VPS13A: variants seen among roughly 807,000 people sequenced by gnomAD.
VPS13A encodes the protein vacuolar protein sorting 13 homolog A, also known as intermembrane lipid transfer protein VPS13A.
Under a neutral mutation model 390.9 loss-of-function variants are expected in VPS13A, and 264 were observed. The ratio of observed to expected loss-of-function variants is 0.68; its 90% CI spans 0.61 to 0.75. VPS13A has a LOEUF of 0.75. Among genes scored for constraint, VPS13A ranks in the 30% least tolerant of loss-of-function variants. VPS13A has a pLI of 0.00. For missense variants in VPS13A, 3,409 were observed against 3,733.9 expected (o/e 0.91, Z 2.27); for synonymous variants, 1,231 against 1,227.1 (o/e 1.00, Z -0.07).
intron 68 of VPS13A, among the ~76,000 whole-genome samples, chr9:77,388,979 T>G (rs1833798842): frequency 2.0e-5 from 3 of 152,196 alleles, no homozygotes; most frequent in African/African-American, 7.2e-5. Flanking sequence ...TAGTATTTTA[T>G]AAAGATACGA....
At chr9:77,267,381 G>C (rs1826095153) in intron 23 of VPS13A, among the ~76,000 whole-genome samples, 1 of 152,162 alleles carries the variant, frequency 6.6e-6, no homozygotes, top group Non-Finnish European at 1.5e-5. Context: ...TGTTCATGCT[G>C]TTCCTTTCTG....
chr9:77,376,837 AAG>A (rs1365124827), intron 67 of VPS13A, among the ~76,000 whole-genome samples: 1 of 152,186 alleles, frequency 6.6e-6, no homozygotes, highest in Non-Finnish European at 1.5e-5. Context: ...TGAGACTGAA[AAG>A]AGAAAAATAA....
rs1259087136 is a variant in VPS13A, at chr9:77,418,361, G to A, written c.*2355G>A. The A allele has an allele frequency of 6.6e-6, 1 of 152,122 alleles. No individual in the cohort carries two copies. The highest frequency in any genetic ancestry group is 1.5e-5 in the Non-Finnish European group (1 of 68,026). 9.4% of individuals were successfully genotyped at this position (152,122 alleles called of 1,614,324 possible). Reference sequence around the variant, plus strand: ...ATGTCTTCTGGTCTATGATAATTGTGTGAGGACTAAGGCAGAGTGCCTGTT... The same window carrying A: ...ATGTCTTCTGGTCTATGATAATTGTATGAGGACTAAGGCAGAGTGCCTGTT... On this transcript the variant is annotated 3_prime_UTR_variant, in exon 72 of 72. Transcript: ENST00000360280.
chr9:77,383,960 G>GTTTTTT (rs201045707), intron 68 of VPS13A, among the ~76,000 whole-genome samples: 1 of 137,486 alleles, frequency 7.3e-6, no homozygotes, highest in African/African-American at 2.5e-5. Context: ...ATGGTGGTGG[G>GTTTTTT]TTTTGTTTTT....
rs1234046311 is a variant in VPS13A, at chr9:77,339,127, G to C, written c.6379-389G>C. 6 of 212,606 alleles carry C rather than the reference G, an allele frequency of 2.8e-5. No individual in the cohort carries two copies. In the East Asian group the frequency reaches 6.6e-4, roughly 23 times the overall value. The allele number at this position is 212,606 out of a possible 1,614,324, so 13.2% of individuals were successfully genotyped here. On this transcript the variant is annotated intron_variant, in intron 47 of 71. Coordinates refer to ENST00000360280, the MANE Select transcript of VPS13A (RefSeq NM_033305.3). ...TTATTTTGGATTACCATCAGTTTTTGCCCACATTTTACGTTGTTTTGTAGT... is the reference window on the plus strand; with the variant it reads ...TTATTTTGGATTACCATCAGTTTTTCCCCACATTTTACGTTGTTTTGTAGT...
At chr9:77,411,061 A>T (rs989123946) in intron 71 of VPS13A, among the ~76,000 whole-genome samples, 1 of 152,228 alleles carries the variant, frequency 6.6e-6, no homozygotes, top group African/African-American at 2.4e-5. Flanking sequence ...CAGCAAATGT[A>T]AAAGAACAGA....
rs751821682 is a variant in VPS13A, at chr9:77,177,833, G to C, written c.100+29G>C. The C allele has an allele frequency of 6.4e-5, 102 of 1,587,456 alleles. No individual in the cohort carries two copies. The Middle Eastern group carries it at 4.5e-3, about 70-fold the overall frequency. ...AGGAGGCCGCCGCCGCCGCTCCCCG[G>C]CCTCTCGTGCTTCCCGGCCGTCTCG... is the stretch of plus-strand genomic sequence containing the variant. On this transcript the variant is annotated intron_variant, in intron 1 of 71. Transcript: ENST00000360280.
intron 27 of VPS13A, among the ~76,000 whole-genome samples, chr9:77,281,122 G>A (rs1826999889): frequency 6.6e-6 from 1 of 152,056 alleles, no homozygotes; most frequent in Admixed American, 6.6e-5. Flanking sequence ...GGTTACCAGA[G>A]GGTAGCAGGG....
At chr9:77,275,040 T>C (rs1241202304) in intron 24 of VPS13A, among the ~76,000 whole-genome samples, 1 of 152,120 alleles carries the variant, frequency 6.6e-6, no homozygotes, top group Admixed American at 6.5e-5. Flanking sequence ...TAGTGCTTGA[T>C]CTCAGTTTAC....
chr9:77,411,378 A>C (rs1201851512), intron 71 of VPS13A, among the ~76,000 whole-genome samples: 1 of 152,146 alleles, frequency 6.6e-6, no homozygotes, highest in African/African-American at 2.4e-5. Context: ...AATTAAAAGA[A>C]CTAGGCCGGG....
In VPS13A at chr9:77,238,060, C is replaced by T. The variant is rs1641795575; in HGVS notation, c.1654C>T (p.Pro552Ser). ...TGGCTTACCAGATAATTCAGAAAAACCCCGCCTCCTGTCTTCATTGGATGA... is the reference window on the plus strand; with the variant it reads ...TGGCTTACCAGATAATTCAGAAAAATCCCGCCTCCTGTCTTCATTGGATGA... Reference protein sequence around the residue: ...ITGLPDNSEKPRLLSSLDDAM... With the variant: ...ITGLPDNSEKSRLLSSLDDAM... The change falls in exon 18 of 72, where the codon CCC becomes TCC. Residue 552 changes from proline (P) to serine (S), a missense_variant. Around this residue, in one of 5 missense-constraint regions of VPS13A, gnomAD observed 2,717 missense variants for 2,917.4 expected, o/e 0.93. Coordinates refer to ENST00000360280, the MANE Select transcript of VPS13A (RefSeq NM_033305.3). 1 of 1,612,922 alleles carries T rather than the reference C, an allele frequency of 6.2e-7. No homozygotes were observed. The highest frequency in any genetic ancestry group is 8.5e-7 in the Non-Finnish European group (1 of 1,179,562).
At chr9:77,254,674 T>G (rs1825340574) in intron 22 of VPS13A, among the ~76,000 whole-genome samples, 1 of 152,220 alleles carries the variant, frequency 6.6e-6, no homozygotes, top group South Asian at 2.1e-4. Flanking sequence ...TGGAATATCT[T>G]TCTATTTATT....
intron 42 of VPS13A, 34 bp downstream of exon 42, chr9:77,319,707 T>C: frequency 9.2e-7 from 1 of 1,084,028 alleles, no homozygotes; most frequent in East Asian, 2.6e-5. Context: ...TGTATATATA[T>C]ATATATGTAT....
intron 1 of VPS13A, among the ~76,000 whole-genome samples, chr9:77,185,026 C>A (rs1320708189): frequency 6.6e-6 from 1 of 151,996 alleles, no homozygotes; most frequent in East Asian, 1.9e-4. Flanking sequence ...CAGGTGCGAA[C>A]CCTGATTTAT....
At chr9:77,206,559 A>C (rs543373628) in intron 5 of VPS13A, among the ~76,000 whole-genome samples, 49 of 152,206 alleles carry the variant, frequency 3.2e-4, no homozygotes, top group African/African-American at 1.2e-3. Context: ...AATTAAACTT[A>C]GACAATATGT....
At chr9:77,386,749 C>T (rs1358973259) in intron 68 of VPS13A, among the ~76,000 whole-genome samples, 1 of 149,742 alleles carries the variant, frequency 6.7e-6, no homozygotes, top group Non-Finnish European at 1.5e-5. Context: ...GTTCTGTCGC[C>T]CAGGCTGGAG....
chr9:77,294,454 T>C (rs553609054), intron 32 of VPS13A, among the ~76,000 whole-genome samples: 1 of 152,320 alleles, frequency 6.6e-6, no homozygotes, highest in South Asian at 2.1e-4. Flanking sequence ...TCTCAGTGTT[T>C]TAGTGTATGA....
intron 8 of VPS13A, 64 bp downstream of exon 8, chr9:77,213,092 T>TA (rs1826061302): frequency 6.3e-7 from 1 of 1,581,556 alleles, no homozygotes; most frequent in Admixed American, 1.7e-5. Context: ...CAAATGATAA[T>TA]ATATAGATAA....
At chr9:77,409,177 C>T (rs764241650) in intron 71 of VPS13A, among the ~76,000 whole-genome samples, 2 of 152,330 alleles carry the variant, frequency 1.3e-5, no homozygotes, top group East Asian at 1.9e-4. Context: ...CTGATACCCA[C>T]GCAAACAGGT....
Sources: gnomAD v4.1 joint callset for allele counts (sites outside exome capture counted in the v4.1 genomes callset) on GRCh38, gnomAD v4.1.1 for gene constraint, gnomAD v4.1.1 regional missense constraint, MANE v1.5 for transcripts, NCBI Gene and HGNC (gene_info 2026-07-23, HGNC 2026-07-21) for gene names.